Variants in SGCZ observed in about 807,000 individuals in gnomAD.
The protein encoded by SGCZ is sarcoglycan zeta.
SGCZ carries 40 observed loss-of-function variants against 41.3 expected under a neutral mutation model. The observed-to-expected ratio is 0.97, with a 90% CI of 0.75 to 1.26. SGCZ has a LOEUF of 1.26. Ranked by LOEUF, SGCZ falls within the 50% of genes most tolerant of loss-of-function variation. SGCZ has a pLI of 0.00. For missense variants in SGCZ, 552 were observed against 369.8 expected, an observed-to-expected ratio of 1.49 and a Z score of -4.04; for synonymous variants, 206 against 137.5, an observed-to-expected ratio of 1.50 and a Z score of -3.49.
chr8:14,226,541 T>A (rs575163661), intron 4 of SGCZ, among the ~76,000 whole-genome samples: 9 of 152,228 alleles, frequency 5.9e-5, no homozygotes, highest in Admixed American at 1.3e-4. Context: ...ATAGCTTTTT[T>A]AAAAAATTGT....
intron 2 of SGCZ, among the ~76,000 whole-genome samples, chr8:14,551,455 T>TTATATATAATATATATAA (rs1563404043): frequency 1.7e-4 from 1 of 6,028 alleles, no homozygotes; most frequent in Non-Finnish European, 3.0e-4. Context: ...CATATATATA[T>TTATATATAATATATATAA]TATATATATT....
chr8:14,918,321 T>C (rs1799497688), intron 1 of SGCZ, among the ~76,000 whole-genome samples: 1 of 152,172 alleles, frequency 6.6e-6, no homozygotes, highest in South Asian at 2.1e-4. Flanking sequence ...GATTTCTAAG[T>C]GGTATGAATT....
chr8:14,965,164 T>C (rs1051767296), intron 1 of SGCZ, among the ~76,000 whole-genome samples: 4 of 152,120 alleles, frequency 2.6e-5, no homozygotes, highest in African/African-American at 9.7e-5. Flanking sequence ...TCTGCGGCCA[T>C]AGTTCGCAGA....
chr8:14,676,216 A>G (rs753237988), intron 1 of SGCZ, among the ~76,000 whole-genome samples: 6 of 152,200 alleles, frequency 3.9e-5, no homozygotes, highest in Non-Finnish European at 5.9e-5. Context: ...TCATCCCTGC[A>G]ATGCCAGAAC....
At chr8:14,737,670 C>T (rs944394751) in intron 1 of SGCZ, among the ~76,000 whole-genome samples, 10 of 150,474 alleles carry the variant, frequency 6.6e-5, no homozygotes, top group Non-Finnish European at 2.9e-5. Flanking sequence ...GACGGCCATC[C>T]TCTGTCTGTT....
At chr8:14,975,371 C>G (rs1372636750) in intron 1 of SGCZ, among the ~76,000 whole-genome samples, 1 of 152,116 alleles carries the variant, frequency 6.6e-6, no homozygotes, top group East Asian at 1.9e-4. Context: ...TAGCAGCGTT[C>G]CATCGAAGCA....
At chr8:15,122,332 T>G (rs1807513761) in intron 1 of SGCZ, among the ~76,000 whole-genome samples, 1 of 152,150 alleles carries the variant, frequency 6.6e-6, no homozygotes, top group African/African-American at 2.4e-5. Flanking sequence ...ACAAGGGTAT[T>G]CAAGACTTAG....
intron 2 of SGCZ, among the ~76,000 whole-genome samples, chr8:14,373,610 C>A (rs1440241163): frequency 6.6e-6 from 1 of 152,000 alleles, no homozygotes; most frequent in Non-Finnish European, 1.5e-5. Flanking sequence ...AAATCAAAAA[C>A]AATTTTGAAG....
intron 1 of SGCZ, among the ~76,000 whole-genome samples, chr8:15,045,961 T>A (rs1804286042): frequency 6.6e-6 from 1 of 152,072 alleles, no homozygotes; most frequent in South Asian, 2.1e-4. Context: ...TATATTAATA[T>A]ACCCTAACAT....
At chr8:14,269,436 T>G (rs549385248) in intron 3 of SGCZ, among the ~76,000 whole-genome samples, 21 of 152,242 alleles carry the variant, frequency 1.4e-4, no homozygotes, top group Admixed American at 3.9e-4. Context: ...GCCTTCATAC[T>G]ATTTTTAATT....
At chr8:14,155,965 A>T (rs2116963717) in intron 5 of SGCZ, among the ~76,000 whole-genome samples, 1 of 152,196 alleles carries the variant, frequency 6.6e-6, no homozygotes, top group South Asian at 2.1e-4. Context: ...GTATATCTAA[A>T]CACAGAAAAG....
intron 1 of SGCZ, among the ~76,000 whole-genome samples, chr8:14,972,296 A>G (rs1386783583): frequency 6.6e-6 from 1 of 151,792 alleles, no homozygotes; most frequent in African/African-American, 2.4e-5. Context: ...GGTACTGATA[A>G]TTTGTGTATT....
chr8:14,775,435 G>A (rs2130413052), intron 1 of SGCZ, among the ~76,000 whole-genome samples: 1 of 150,884 alleles, frequency 6.6e-6, no homozygotes, highest in African/African-American at 2.4e-5. Context: ...CTCTGTGTAT[G>A]ACAGTATGCT....
chr8:15,088,138 G>A (rs1303789202), intron 1 of SGCZ, among the ~76,000 whole-genome samples: 2 of 152,088 alleles, frequency 1.3e-5, no homozygotes, highest in African/African-American at 4.8e-5. Flanking sequence ...AGTGCAATAT[G>A]CATGATACTT....
chr8:14,594,498 T>A (rs1036011196), intron 1 of SGCZ, among the ~76,000 whole-genome samples: 9 of 150,216 alleles, frequency 6.0e-5, no homozygotes, highest in African/African-American at 2.3e-4. Flanking sequence ...ACTGGGAGGA[T>A]CAAACAAGAA....
At chr8:14,786,169 T>C (rs1800760599) in intron 1 of SGCZ, among the ~76,000 whole-genome samples, 1 of 152,158 alleles carries the variant, frequency 6.6e-6, no homozygotes. Context: ...GAAGAAAACA[T>C]TAGTTCTCGT....
chr8:14,544,040 T>C (rs1222878442), intron 2 of SGCZ, among the ~76,000 whole-genome samples: 1 of 152,142 alleles, frequency 6.6e-6, no homozygotes, highest in Non-Finnish European at 1.5e-5. Context: ...TAATTATTTG[T>C]AAGAGGGCTT....
At chr8:15,024,868 G>A (rs1427238158) in intron 1 of SGCZ, among the ~76,000 whole-genome samples, 4 of 151,916 alleles carry the variant, frequency 2.6e-5, no homozygotes, top group South Asian at 2.1e-4. Flanking sequence ...CCCCGGAGGC[G>A]GAGCTTGCAG....
At chr8:14,416,092 T>G (rs2117290949) in intron 2 of SGCZ, among the ~76,000 whole-genome samples, 1 of 152,076 alleles carries the variant, frequency 6.6e-6, no homozygotes, top group South Asian at 2.1e-4. Context: ...ATAGCATGTC[T>G]AGAGAGTAAA....
Sources: gnomAD v4.1 joint callset for allele counts (sites outside exome capture counted in the v4.1 genomes callset) on GRCh38, gnomAD v4.1.1 for gene constraint, MANE v1.5 for transcripts, NCBI Gene and HGNC (gene_info 2026-07-23, HGNC 2026-07-21) for gene names.